SNX13: variants seen among roughly 807,000 people sequenced by gnomAD.
SNX13 encodes the protein sorting nexin 13.
In SNX13, 45 loss-of-function variants were observed where a neutral mutation model predicts 133.6. The ratio of observed to expected loss-of-function variants is 0.34; its 90% CI spans 0.27 to 0.43. SNX13 has a LOEUF of 0.43. SNX13 is among the 20% of genes least tolerant of loss of function. The pLI is 1.00. For synonymous variants in SNX13, 414 were observed against 373.9 expected (o/e 1.11, Z -1.24); for missense variants, 1,032 against 1,145.1 (o/e 0.90, Z 1.43).
intron 20 of SNX13, among the ~76,000 whole-genome samples, chr7:17,810,181 G>A (rs914698360): frequency 6.6e-6 from 1 of 152,178 alleles, no homozygotes; most frequent in Non-Finnish European, 1.5e-5. Flanking sequence ...GAGTCCAGGA[G>A]CTGGTTTTTT....
intron 11 of SNX13, among the ~76,000 whole-genome samples, chr7:17,848,508 A>G (rs1790814113): frequency 6.6e-6 from 1 of 152,216 alleles, no homozygotes; most frequent in Admixed American, 6.5e-5. Flanking sequence ...ATCCACAGAC[A>G]GCAGAGCTAA....
At chr7:17,861,218 G>A (rs1222243779) in intron 9 of SNX13, among the ~76,000 whole-genome samples, 1 of 151,862 alleles carries the variant, frequency 6.6e-6, no homozygotes, top group African/African-American at 2.4e-5. Flanking sequence ...AGTACAATAG[G>A]GACTGCATTC....
At chr7:17,818,389 A>T (rs1347839149) in intron 18 of SNX13, among the ~76,000 whole-genome samples, 2 of 152,242 alleles carry the variant, frequency 1.3e-5, no homozygotes, top group Admixed American at 1.3e-4. Context: ...TTATTTTCTT[A>T]AAGCCTGAAT....
chr7:17,803,273 T>C (rs1784832995), intron 21 of SNX13, 146 bp downstream of exon 21: 1 of 666,684 alleles, frequency 1.5e-6, no homozygotes, highest in Non-Finnish European at 2.2e-6. Context: ...TTCTCTTTAG[T>C]TCTTTATTCT....
intron 12 of SNX13, among the ~76,000 whole-genome samples, 190 bp downstream of exon 12, chr7:17,845,405 T>C (rs998299186): frequency 1.3e-5 from 2 of 152,162 alleles, no homozygotes; most frequent in African/African-American, 4.8e-5. Context: ...TGGTGTTTAA[T>C]GAGTAGAGTT....
At chr7:17,896,833 AAACGTACACCAAATAACT>A in intron 2 of SNX13, among the ~76,000 whole-genome samples, 1 of 152,270 alleles carries the variant, frequency 6.6e-6, no homozygotes, top group South Asian at 2.1e-4. Flanking sequence ...GGGAAAACAT[AAACGTACACCAAATAACT>A]ATGAAGAGAA....
intron 9 of SNX13, among the ~76,000 whole-genome samples, chr7:17,863,697 G>A (rs114313204): frequency 0.015 from 2,342 of 152,328 alleles, 63 homozygotes; most frequent in African/African-American, 0.054. Flanking sequence ...GGCCACAGGC[G>A]TTAGGCAAGC....
At chr7:17,923,444 C>T (rs1227648510) in intron 1 of SNX13, among the ~76,000 whole-genome samples, 2 of 152,118 alleles carry the variant, frequency 1.3e-5, no homozygotes, top group Non-Finnish European at 2.9e-5. Context: ...AAACAGACTG[C>T]TGCCAAGTGA....
At chr7:17,806,289 T>C (rs1414788507) in intron 20 of SNX13, among the ~76,000 whole-genome samples, 1 of 152,186 alleles carries the variant, frequency 6.6e-6, no homozygotes, top group Admixed American at 6.5e-5. Flanking sequence ...TTTCTAAAAA[T>C]TGTTTCACAG....
chr7:17,854,861 A>G (rs1196118988), intron 9 of SNX13, among the ~76,000 whole-genome samples: 6 of 152,194 alleles, frequency 3.9e-5, no homozygotes, highest in Non-Finnish European at 5.9e-5. Flanking sequence ...GAAGAGCCAC[A>G]TATCTTTCAT....
chr7:17,876,394 G>A (rs544214197), intron 5 of SNX13, among the ~76,000 whole-genome samples: 2 of 152,044 alleles, frequency 1.3e-5, no homozygotes, highest in African/African-American at 4.8e-5. Context: ...CAGCCTAGTC[G>A]ACATGGTGAA....
chr7:17,890,629 C>CA (rs1223574200), intron 4 of SNX13, 145 bp from the exon 5 acceptor site: 4 of 453,962 alleles, frequency 8.8e-6, no homozygotes, highest in African/African-American at 4.1e-5. Context: ...GCCCTCATTA[C>CA]AAAAACATCA....
chr7:17,889,321 G>A (rs1014279545), intron 5 of SNX13: 1 of 152,050 alleles, frequency 6.6e-6, no homozygotes, highest in African/African-American at 2.4e-5. Context: ...CATAAAACTT[G>A]TGCCAGGCTC....
chr7:17,827,755 GAATGAA>G (rs903991513), intron 16 of SNX13, among the ~76,000 whole-genome samples: 3 of 151,572 alleles, frequency 2.0e-5, no homozygotes, highest in Admixed American at 1.3e-4. Flanking sequence ...GACATACTGG[GAATGAA>G]AATGCTTTGG....
At chr7:17,863,388 C>G (rs1313886707) in intron 9 of SNX13, among the ~76,000 whole-genome samples, 2 of 152,128 alleles carry the variant, frequency 1.3e-5, no homozygotes, top group African/African-American at 4.8e-5. Flanking sequence ...CCACCACTTC[C>G]AGGCAGTGTA....
chr7:17,805,101 C>G (rs1317933361), intron 20 of SNX13, among the ~76,000 whole-genome samples: 1 of 151,944 alleles, frequency 6.6e-6, no homozygotes. Flanking sequence ...CAGAATAAAA[C>G]CAAAGAACAG....
In SNX13 at chr7:17,805,265, G is replaced by GCA. The variant is rs1554304454; in HGVS notation, c.2065-1687_2065-1686dup. Among the ~76,000 whole-genome samples, 232 of 146,108 alleles carry GCA rather than the reference G, an allele frequency of 1.6e-3. 1 individual carries two copies. The highest frequency in any genetic ancestry group is 2.6e-3 in the East Asian group (13 of 5,068). On this transcript the variant is annotated intron_variant, in intron 20 of 25. Transcript: ENST00000428135. ...TGTGTGTGTGTGCGTGCGCGCGCGC[G>GCA]CATGCATGCACATGTGTAATTCTAA...
At chr7:17,851,110 C>A in intron 9 of SNX13, 146 bp from the exon 10 acceptor site, 1 of 742,498 alleles carries the variant, frequency 1.3e-6, no homozygotes, top group Non-Finnish European at 2.1e-6. Context: ...TATTTGGGCA[C>A]CTATTTTCCA....
intron 1 of SNX13, among the ~76,000 whole-genome samples, chr7:17,919,833 TA>T (rs953915407): frequency 1.4e-4 from 22 of 152,286 alleles, no homozygotes; most frequent in African/African-American, 4.8e-4. Flanking sequence ...ACTCAGCTAC[TA>T]AAAGTTTACT....
Sources: gnomAD v4.1 joint callset for allele counts (sites outside exome capture counted in the v4.1 genomes callset) on GRCh38, gnomAD v4.1.1 for gene constraint, MANE v1.5 for transcripts, NCBI Gene and HGNC (gene_info 2026-07-23, HGNC 2026-07-21) for gene names.